AADACL4: variants seen among roughly 807,000 people sequenced by gnomAD.
AADACL4 encodes arylacetamide deacetylase-like 4.
Under a neutral mutation model 14.1 loss-of-function variants are expected in AADACL4, and 9 were observed. That is an observed-to-expected ratio of 0.64 (90% CI 0.39 to 1.12). The LOEUF (loss-of-function observed/expected upper bound fraction) is 1.12, where lower values mean the gene tolerates loss of function less well. Among genes scored for constraint, AADACL4 ranks in the 50% most tolerant of loss-of-function variants. The pLI is 0.01. For synonymous variants in AADACL4, 188 were observed against 201.6 expected, an observed-to-expected ratio of 0.93 and a Z score of 0.57; for missense variants, 531 against 516.1, an observed-to-expected ratio of 1.03 and a Z score of -0.28.
Position 12,644,423 on chromosome 1 carries a change from G to T in AADACL4, c.-124G>T. 9.1e-7 allele frequency: 1 copy of T among 1,103,998 alleles called. No individual in the cohort carries two copies. The highest frequency in any genetic ancestry group is 2.4e-5 in the East Asian group (1 of 41,240). The allele number at this position is 1,103,998 out of a possible 1,614,324, so 68.4% of individuals were successfully genotyped here. ...GAAGCTGTGTCAGGCCACTGTGTCA[G>T]GTGTCAGGCTTAGCCCAGAGAGAGT... On this transcript the variant is annotated 5_prime_UTR_variant, in exon 1 of 4. In the 5' UTR this introduces an upstream ATG that the reference lacks. Coordinates refer to ENST00000376221, the MANE Select transcript of AADACL4 (RefSeq NM_001013630.2).
chr1:12,658,143 T>TTCCTTCCTTCCTTCCTTCCTTC (rs1557550884), intron 2 of AADACL4, among the ~76,000 whole-genome samples: 1 of 90,548 alleles, frequency 1.1e-5, no homozygotes, highest in South Asian at 4.2e-4. Flanking sequence ...TTCCTTCCTT[T>TTCCTTCCTTCCTTCCTTCCTTC]CTTTCTTTCT....
At chr1:12,651,099 G>C in intron 1 of AADACL4, 24 bp from the exon 2 acceptor site, 1 of 1,604,540 alleles carries the variant, frequency 6.2e-7, no homozygotes, top group Non-Finnish European at 8.5e-7. Flanking sequence ...CTAACGTCTG[G>C]CTTTCTTTTG....
At chr1:12,647,659 C>CTTTT (rs113499990) in intron 1 of AADACL4, among the ~76,000 whole-genome samples, 1 of 144,036 alleles carries the variant, frequency 6.9e-6, no homozygotes, top group African/African-American at 2.5e-5. Flanking sequence ...TTCTTTCTTT[C>CTTTT]TTTTTTTTTT....
intron 3 of AADACL4, among the ~76,000 whole-genome samples, chr1:12,662,208 A>G (rs1647239946): frequency 1.3e-5 from 2 of 152,246 alleles, no homozygotes; most frequent in African/African-American, 4.8e-5. Context: ...AAAAAATTAC[A>G]TAAAGCCTGA....
In AADACL4 at chr1:12,646,745, C is replaced by T. The variant is rs547014661; in HGVS notation, c.168+2031C>T. Among the ~76,000 whole-genome samples the T allele has an allele frequency of 3.9e-5, 6 of 152,346 alleles. No homozygotes were observed. In the South Asian group the frequency reaches 1.2e-3, roughly 32 times the overall value. On this transcript the variant is annotated intron_variant, in intron 1 of 3. Coordinates refer to ENST00000376221, the MANE Select transcript of AADACL4 (RefSeq NM_001013630.2). Reference sequence around the variant, plus strand: ...GCTGCTATGGGCTGTTCACAGGGGACTCTGAGATGGGTCTGCAGCCGCTGA... The same window carrying T: ...GCTGCTATGGGCTGTTCACAGGGGATTCTGAGATGGGTCTGCAGCCGCTGA...
At chr1:12,661,029 C>T (rs1209066287) in intron 2 of AADACL4, among the ~76,000 whole-genome samples, 1 of 152,144 alleles carries the variant, frequency 6.6e-6, no homozygotes, top group East Asian at 1.9e-4. Context: ...CTGACTGCTC[C>T]GACTCAATTT....
At chr1:12,655,643 T>C (rs548166495) in intron 2 of AADACL4, among the ~76,000 whole-genome samples, 1 of 152,144 alleles carries the variant, frequency 6.6e-6, no homozygotes, top group Admixed American at 6.5e-5. Flanking sequence ...TGGGTGACCC[T>C]GGGTTTGTGG....
chr1:12,658,059 T>TCC (rs1262582034), intron 2 of AADACL4, among the ~76,000 whole-genome samples: 3 of 148,254 alleles, frequency 2.0e-5, no homozygotes, highest in Non-Finnish European at 4.4e-5. Flanking sequence ...CTTCCTTCCT[T>TCC]TCTTTTTCTC....
intron 2 of AADACL4, among the ~76,000 whole-genome samples, chr1:12,657,883 A>T (rs1647191172): frequency 6.6e-6 from 1 of 152,112 alleles, no homozygotes; most frequent in South Asian, 2.1e-4. Flanking sequence ...AGCTTGGCCA[A>T]CACCCTGGCT....
rs994903114 is a variant in AADACL4 at position 12,645,543 on chromosome 1, AT to A, written c.168+833del. 4.5e-4 allele frequency among the ~76,000 whole-genome samples: 68 copies of A among 151,706 alleles called. 5 individuals carry two copies. ...ACTGACTTACCTATAGGTTGTTTCT[AT>A]TTTATTTTACTTTTTTGAGACGGGG... On this transcript the variant is annotated intron_variant, in intron 1 of 3. Coordinates refer to ENST00000376221, the MANE Select transcript of AADACL4 (RefSeq NM_001013630.2).
At chr1:12,658,014 CTCTCTTTCTT>C (rs1173851781) in intron 2 of AADACL4, among the ~76,000 whole-genome samples, 3 of 151,364 alleles carry the variant, frequency 2.0e-5, no homozygotes, top group Admixed American at 6.6e-5. Context: ...CTCTCTCTCT[CTCTCTTTCTT>C]TCTCTTTCTT....
At chr1:12,648,349 C>T (rs914884367) in intron 1 of AADACL4, among the ~76,000 whole-genome samples, 7 of 140,478 alleles carry the variant, frequency 5.0e-5, no homozygotes, top group Non-Finnish European at 1.1e-4. Context: ...ACCTCAGATC[C>T]TTCCTTCCTT....
rs539058682 is a variant in AADACL4, at chr1:12,649,778, GGAAGCTCAGAGACAAATT to G, written c.169-1330_169-1313del. On this transcript the variant is annotated intron_variant, in intron 1 of 3. Coordinates refer to ENST00000376221, the MANE Select transcript of AADACL4 (RefSeq NM_001013630.2). ...TATACACAACATGCTTCTCATTTTG[GGAAGCTCAGAGACAAATT>G]GAAGCTCAGAGACAGTGATGCCCAA... Among the ~76,000 whole-genome samples the G allele has an allele frequency of 1.1e-4, 16 of 152,212 alleles. No individual in the cohort carries two copies. The East Asian group carries it at 2.7e-3, about 26-fold the overall frequency.
At chr1:12,646,840 C>T (rs968720826) in intron 1 of AADACL4, among the ~76,000 whole-genome samples, 5 of 152,210 alleles carry the variant, frequency 3.3e-5, no homozygotes, top group African/African-American at 1.2e-4. Flanking sequence ...GGCACACTGC[C>T]CATCATGGGG....
At chr1:12,660,738 G>A (rs1032057349) in intron 2 of AADACL4, among the ~76,000 whole-genome samples, 2 of 152,012 alleles carry the variant, frequency 1.3e-5, no homozygotes, top group South Asian at 4.1e-4. Context: ...CCGCCTCCCG[G>A]GTTCAAGCAA....
intron 2 of AADACL4, among the ~76,000 whole-genome samples, chr1:12,654,167 A>G (rs1647167204): frequency 6.6e-6 from 1 of 152,218 alleles, no homozygotes; most frequent in African/African-American, 2.4e-5. Flanking sequence ...ATTTGGGTAA[A>G]TACGGTATAA....
chr1:12,657,068 G>A (rs184387818), intron 2 of AADACL4, among the ~76,000 whole-genome samples: 35 of 150,740 alleles, frequency 2.3e-4, no homozygotes, highest in Admixed American at 1.7e-3. Flanking sequence ...GTTTGAGCCC[G>A]GGAGGCAGAG....
intron 2 of AADACL4, 121 bp downstream of exon 2, chr1:12,651,460 A>G (rs1570427447): frequency 2.0e-6 from 2 of 1,008,710 alleles, no homozygotes; most frequent in East Asian, 2.6e-5. Flanking sequence ...GGAGATTTTT[A>G]TAGCGTTAAT....
chr1:12,663,214 G>A (rs1328334123), intron 3 of AADACL4, among the ~76,000 whole-genome samples: 2 of 152,208 alleles, frequency 1.3e-5, no homozygotes, highest in East Asian at 1.9e-4. Flanking sequence ...TTGGTTCTGC[G>A]AAGCCTTCAC....
Sources: allele counts gnomAD v4.1 joint callset (sites outside exome capture counted in the v4.1 genomes callset), GRCh38; gene constraint gnomAD v4.1.1; transcripts MANE v1.5; gene names NCBI Gene and HGNC (gene_info 2026-07-23, HGNC 2026-07-21).